The following TTC7B variants were observed in gnomAD, a reference collection of about 807,000 sequenced individuals.
TTC7B encodes tetratricopeptide repeat protein 7B.
TTC7B carries 28 observed loss-of-function variants against 106.8 expected under a neutral mutation model. The ratio of observed to expected loss-of-function variants is 0.26; its 90% confidence interval spans 0.19 to 0.36. The LOEUF (loss-of-function observed/expected upper bound fraction) is 0.36. Ranked by LOEUF, TTC7B falls within the 10% of genes least tolerant of loss-of-function variation. TTC7B has a pLI of 1.00. For missense variants in TTC7B, 862 were observed against 1,076.4 expected (o/e 0.80, Z 2.79); for synonymous variants, 405 against 430.6 (o/e 0.94, Z 0.74).
At chr14:90,590,876 GCA>G (rs1386472621) in intron 18 of TTC7B, among the ~76,000 whole-genome samples, 2 of 152,210 alleles carry the variant, frequency 1.3e-5, no homozygotes, top group African/African-American at 2.4e-5. Flanking sequence ...TATGCATACA[GCA>G]CAGTCTGCTC....
chr14:90,630,936 G>A (rs1884676316), intron 15 of TTC7B, among the ~76,000 whole-genome samples: 2 of 150,438 alleles, frequency 1.3e-5, no homozygotes, highest in Non-Finnish European at 1.5e-5. Flanking sequence ...CTGGCTTCAC[G>A]CCATTCTCCT....
At chr14:90,784,653 C>T (rs1301127739) in intron 2 of TTC7B, among the ~76,000 whole-genome samples, 1 of 152,082 alleles carries the variant, frequency 6.6e-6, no homozygotes, top group African/African-American at 2.4e-5. Context: ...TGATCTGCCA[C>T]ACACCAAAGT....
At chr14:90,546,718 T>A (rs868787901) in intron 19 of TTC7B, among the ~76,000 whole-genome samples, 8 of 152,166 alleles carry the variant, frequency 5.3e-5, no homozygotes, top group South Asian at 4.1e-4. Context: ...TATTACCATA[T>A]AACCTGCCAC....
At chr14:90,698,967 C>T in intron 5 of TTC7B, 1 of 336,674 alleles carries the variant, frequency 3.0e-6, no homozygotes, top group Non-Finnish European at 5.8e-6. Flanking sequence ...TTTCTTCTCT[C>T]CTATCTTTTC....
At chr14:90,583,474 A>G (rs1432770143) in intron 18 of TTC7B, among the ~76,000 whole-genome samples, 1 of 152,182 alleles carries the variant, frequency 6.6e-6, no homozygotes, top group Non-Finnish European at 1.5e-5. Flanking sequence ...GAGTGAATTC[A>G]ATTTAAAAAA....
chr14:90,735,580 C>T (rs887833243), intron 4 of TTC7B, among the ~76,000 whole-genome samples: 11 of 151,986 alleles, frequency 7.2e-5, no homozygotes, highest in African/African-American at 2.7e-4. Context: ...ACCTACTGGC[C>T]AGGTGCAGTG....
At position 90,657,441 on chromosome 14, in the gene TTC7B, C is replaced by T. The variant is rs906855148; in HGVS notation, c.1237-163G>A. 1.3e-5 allele frequency: 8 copies of T among 594,990 alleles called. No individual in the cohort carries two copies. The highest frequency in any genetic ancestry group is 7.5e-5 in the African/African-American group (4 of 53,658). 36.9% of individuals were successfully genotyped at this position (594,990 alleles called of 1,614,324 possible). A position where few individuals can be genotyped will look rare whatever the true frequency, so the allele number is the denominator to read the frequency against. ...TGAGGTGCATGAAAACCAGAGCCTGCGGCTTCTGAGTGACTGGGGAGTACA... is the reference window on the plus strand; with the variant it reads ...TGAGGTGCATGAAAACCAGAGCCTGTGGCTTCTGAGTGACTGGGGAGTACA... On this transcript the variant is annotated intron_variant, in intron 10 of 19. Transcript: ENST00000328459. This position sits in a 1 kb window ranked among gnomAD's most constrained non-coding sequence, Gnocchi z 4.2.
intron 17 of TTC7B, among the ~76,000 whole-genome samples, chr14:90,610,060 G>A (rs1892810122): frequency 6.6e-6 from 1 of 152,212 alleles, no homozygotes; most frequent in Non-Finnish European, 1.5e-5. Context: ...AATGGACTTT[G>A]TGTTTAGACT....
At chr14:90,729,307 A>G (rs1889233909) in intron 5 of TTC7B, among the ~76,000 whole-genome samples, 1 of 152,208 alleles carries the variant, frequency 6.6e-6, no homozygotes, top group Admixed American at 6.5e-5. Flanking sequence ...TCATTTTTCC[A>G]GAGGCTGGGG....
At chr14:90,741,558 C>T (rs568986720) in intron 4 of TTC7B, among the ~76,000 whole-genome samples, 3 of 152,232 alleles carry the variant, frequency 2.0e-5, no homozygotes, top group African/African-American at 2.4e-5. Context: ...CAAAATAAAG[C>T]CCTATTTGCC....
At position 90,524,799 on chromosome 14, in the gene TTC7B, G is replaced by C. The variant is rs1448347791; in HGVS notation, c.*16569C>G. ...TCTCCTCCTAAGCCTGGAGCTCTCA[G>C]GTGGTGCAAGGCACACGGGGATCCC... On this transcript the variant is annotated 3_prime_UTR_variant, in exon 20 of 20. Coordinates refer to ENST00000328459, the MANE Select transcript of TTC7B (RefSeq NM_001010854.2). 1 of 152,062 alleles carries C rather than the reference G, an allele frequency of 6.6e-6. No homozygotes were observed. The highest frequency in any genetic ancestry group is 1.5e-5 in the Non-Finnish European group (1 of 68,002). The allele number at this position is 152,062 out of a possible 1,614,324, so 9.4% of individuals were successfully genotyped here.
In TTC7B at chr14:90,688,048, C is replaced by T. The variant is rs574479968; in HGVS notation, c.950+1492G>A. On this transcript the variant is annotated intron_variant, in intron 7 of 19. Transcript: ENST00000328459. The stretch of plus-strand genomic sequence containing the variant: ...TGTAGTCACGCCATCTCTATTAGTG[C>T]TTTCTCTGGGACTTCAGAAGCAGCC... Among the ~76,000 whole-genome samples, 23 of 152,308 alleles carry T rather than the reference C, an allele frequency of 1.5e-4. 1 individual carries two copies. In the South Asian group the frequency reaches 3.9e-3, roughly 26 times the overall value.
intron 18 of TTC7B, among the ~76,000 whole-genome samples, chr14:90,584,011 T>C (rs1476792742): frequency 6.6e-6 from 1 of 152,042 alleles, no homozygotes; most frequent in African/African-American, 2.4e-5. Flanking sequence ...TTTTCACCTT[T>C]CCATTCTTCC....
intron 1 of TTC7B, among the ~76,000 whole-genome samples, chr14:90,812,682 G>A (rs1324096857): frequency 6.6e-6 from 1 of 151,964 alleles, no homozygotes; most frequent in African/African-American, 2.4e-5. Flanking sequence ...CCCGGGTCTG[G>A]TGCACAGCTA....
At chr14:90,586,789 C>T (rs761743025) in intron 18 of TTC7B, among the ~76,000 whole-genome samples, 10 of 152,204 alleles carry the variant, frequency 6.6e-5, no homozygotes, top group Admixed American at 1.3e-4. Flanking sequence ...CTCAGGCACC[C>T]GACACTTCCA....
chr14:90,734,895 TGCCTCA>T (rs926637519), intron 4 of TTC7B, among the ~76,000 whole-genome samples: 6 of 152,184 alleles, frequency 3.9e-5, no homozygotes, highest in Admixed American at 2.6e-4. Flanking sequence ...GTGATTCTCC[TGCCTCA>T]GCCTCCTGAG....
intron 4 of TTC7B, among the ~76,000 whole-genome samples, chr14:90,736,380 G>A (rs1205156093): frequency 2.0e-5 from 3 of 152,054 alleles, no homozygotes; most frequent in Admixed American, 6.6e-5. Context: ...AGAACAGCCT[G>A]GCCAACATGG....
intron 15 of TTC7B, among the ~76,000 whole-genome samples, chr14:90,643,574 T>C (rs1885287239): frequency 6.6e-6 from 1 of 150,560 alleles, no homozygotes; most frequent in South Asian, 2.1e-4. Context: ...TTTTTGTTTG[T>C]TTGTTTGTTT....
intron 17 of TTC7B, among the ~76,000 whole-genome samples, chr14:90,596,439 CGAT>C (rs756397022): frequency 6.5e-4 from 99 of 152,242 alleles, no homozygotes; most frequent in Admixed American, 1.0e-3. Context: ...ATGATGATGG[CGAT>C]GATGATGACA....
Sources: allele counts gnomAD v4.1 joint callset (sites outside exome capture counted in the v4.1 genomes callset), GRCh38; gene constraint gnomAD v4.1.1; non-coding constraint Gnocchi (gnomAD v3.1); transcripts MANE v1.5; gene names NCBI Gene and HGNC (gene_info 2026-07-23, HGNC 2026-07-21).